Variants in AFF4 observed in about 807,000 individuals in gnomAD.
AFF4 encodes the protein AF4/FMR2 family member 4.
A neutral mutation model predicts 124.8 loss-of-function variants in AFF4; 13 were observed. That is an observed-to-expected ratio of 0.10 (90% CI 0.07 to 0.17). AFF4 has a LOEUF of 0.17. AFF4 is among the 10% of genes least tolerant of loss of function. The pLI, the probability that AFF4 is intolerant of heterozygous loss-of-function variation, is 1.00. For synonymous variants in AFF4, 477 were observed against 496.1 expected (o/e 0.96, Z 0.51); for missense variants, 1,092 against 1,403.8 (o/e 0.78, Z 3.55).
chr5:132,951,444 C>A (rs1761840020), intron 1 of AFF4, among the ~76,000 whole-genome samples: 1 of 152,210 alleles, frequency 6.6e-6, no homozygotes, highest in Non-Finnish European at 1.5e-5. Context: ...TGTACTTCTC[C>A]TGATCACATC....
chr5:132,948,005 C>A (rs1188035798), intron 1 of AFF4, among the ~76,000 whole-genome samples: 1 of 152,158 alleles, frequency 6.6e-6, no homozygotes, highest in Non-Finnish European at 1.5e-5. Flanking sequence ...GAATTTCTTA[C>A]TGTATTTCAT....
chr5:132,926,948 C>CT (rs1761186859), intron 5 of AFF4, 173 bp downstream of exon 5: 1 of 559,562 alleles, frequency 1.8e-6, no homozygotes, highest in Admixed American at 3.5e-5. Context: ...TTCCATTACC[C>CT]TGCTAATTAT....
chr5:132,962,544 T>G (rs2150118415), intron 1 of AFF4, among the ~76,000 whole-genome samples: 1 of 152,296 alleles, frequency 6.6e-6, no homozygotes, highest in East Asian at 1.9e-4. Context: ...CCAAAACTCC[T>G]GTACTCCATG....
In AFF4 at chr5:132,876,188, G is replaced by A. The variant is rs1479163132; in HGVS notation, c.*4871C>T. On this transcript the variant is annotated 3_prime_UTR_variant, in exon 21 of 21. Coordinates refer to ENST00000265343, the MANE Select transcript of AFF4 (RefSeq NM_014423.4). ...CAATGTCAACTGGCCAGTTCTGTTG[G>A]TGAGCCCCCTACCCCCACCCCACCC... is the stretch of plus-strand genomic sequence containing the variant. 1.3e-5 allele frequency: 3 copies of A among 230,770 alleles called. No individual in the cohort carries two copies. The highest frequency in any genetic ancestry group is 1.8e-4 in the South Asian group (1 of 5,536). 14.3% of individuals were successfully genotyped at this position (230,770 alleles called of 1,614,324 possible). A position where few individuals can be genotyped will look rare whatever the true frequency, so the allele number is the denominator to read the frequency against.
rs1427593769 is a variant in AFF4, at chr5:132,879,983, C to T, written c.*1076G>A. 8.0e-6 allele frequency: 3 copies of T among 374,212 alleles called. No individual in the cohort carries two copies. The highest frequency in any genetic ancestry group is 6.2e-5 in the African/African-American group (3 of 48,236). 23.2% of individuals were successfully genotyped at this position (374,212 alleles called of 1,614,324 possible). A position where few individuals can be genotyped will look rare whatever the true frequency, so the allele number is the denominator to read the frequency against. ...AACTGTAAGCTGTATAGCAAAAGCACACACCGAAGCTCCAGCCTATTTCTG... is the reference window on the plus strand; with the variant it reads ...AACTGTAAGCTGTATAGCAAAAGCATACACCGAAGCTCCAGCCTATTTCTG... On this transcript the variant is annotated 3_prime_UTR_variant, in exon 21 of 21. Coordinates refer to ENST00000265343, the MANE Select transcript of AFF4 (RefSeq NM_014423.4).
chr5:132,895,184 C>A (rs1447202027), intron 11 of AFF4, among the ~76,000 whole-genome samples: 2 of 151,880 alleles, frequency 1.3e-5, no homozygotes, highest in Non-Finnish European at 2.9e-5. Flanking sequence ...ACTAGTTGAG[C>A]AAAACATCTC....
chr5:132,881,015 A>G lies in AFF4; in HGVS notation c.*44T>C. On this transcript the variant is annotated 3_prime_UTR_variant, in exon 21 of 21. Transcript: ENST00000265343. ...TGGCAGTTTTCCTTCGTGATGTGAC[A>G]CAGTGTTGTGGAGAAAATCAGAGGC... 3.1e-6 allele frequency: 5 copies of G among 1,595,544 alleles called. No individual in the cohort carries two copies. The highest frequency in any genetic ancestry group is 4.3e-6 in the Non-Finnish European group (5 of 1,172,200).
chr5:132,897,060 T>C lies in AFF4; in HGVS notation c.1570A>G (p.Thr524Ala), dbSNP rs1216792015. 1 of 1,614,126 alleles carries C rather than the reference T, an allele frequency of 6.2e-7. No homozygotes were observed. Among genetic ancestry groups the C allele is most frequent in the East Asian group, 2.2e-5 (1 of 44,870 alleles). The change falls in exon 11 of 21, where the codon ACG becomes GCG. Residue 524 changes from threonine to alanine, a missense_variant. Around this residue, in one of 11 missense-constraint regions of AFF4, gnomAD observed 174 missense variants for 205.9 expected, o/e 0.84. Coordinates refer to ENST00000265343, the MANE Select transcript of AFF4 (RefSeq NM_014423.4). ...TCTCGTCCCGGAGTAGCGGAACTCG[T>C]TTCTTTAGGTCCACTTGTATCAGTG... Reference protein sequence around the residue: ...SYTDTSGPKETSSATPGRDSK... With the variant: ...SYTDTSGPKEASSATPGRDSK...
rs375891983 is a variant in AFF4, at chr5:132,908,776, A to ATATT, written c.1051-4373_1051-4372insAATA. ...TATATACATATATATATATATATATATTTTTTTTTTTTGAGACGGAATCTA... is the reference window on the plus strand; with the variant it reads ...TATATACATATATATATATATATATATATTTTTTTTTTTTTTGAGACGGAATCTA... On this transcript the variant is annotated intron_variant, in intron 5 of 20. Transcript: ENST00000265343. 2.1e-3 allele frequency among the ~76,000 whole-genome samples: 243 copies of ATATT among 114,876 alleles called. 2 individuals are homozygous for ATATT. The highest frequency in any genetic ancestry group is 0.014 in the East Asian group (57 of 4,126). The allele number at this position is 114,876 out of a possible 152,430, so 75.4% of individuals were successfully genotyped here. A position where few individuals can be genotyped will look rare whatever the true frequency, so the allele number is the denominator to read the frequency against.
chr5:132,911,083 G>C (rs539935855), intron 5 of AFF4, among the ~76,000 whole-genome samples: 1 of 152,226 alleles, frequency 6.6e-6, no homozygotes, highest in East Asian at 1.9e-4. Context: ...CTCTTGTGAA[G>C]ATTTCCTAAG....
intron 1 of AFF4, among the ~76,000 whole-genome samples, chr5:132,942,695 CT>C (rs1333370101): frequency 6.6e-6 from 1 of 152,198 alleles, no homozygotes; most frequent in African/African-American, 2.4e-5. Context: ...AACTCCCGAC[CT>C]CAGGTGATCC....
At chr5:132,911,061 G>A (rs1424662812) in intron 5 of AFF4, among the ~76,000 whole-genome samples, 1 of 152,162 alleles carries the variant, frequency 6.6e-6, no homozygotes, top group Non-Finnish European at 1.5e-5. Flanking sequence ...CTTGGGCACT[G>A]AATCTCAATC....
At chr5:132,904,531 C>T in intron 5 of AFF4, 127 bp from the exon 6 acceptor site, 1 of 806,432 alleles carries the variant, frequency 1.2e-6, no homozygotes, top group South Asian at 1.9e-5. Context: ...ATGATCCTGT[C>T]TGATCAGCCT....
At chr5:132,935,839 C>T (rs1437781222) in intron 2 of AFF4, among the ~76,000 whole-genome samples, 1 of 151,192 alleles carries the variant, frequency 6.6e-6, no homozygotes, top group Non-Finnish European at 1.5e-5. Context: ...AGGAGAATCA[C>T]TTGAACCCAG....
Position 132,877,447 on chromosome 5 carries a change from A to C in AFF4, c.*3612T>G, listed in dbSNP as rs891553707. On this transcript the variant is annotated 3_prime_UTR_variant, in exon 21 of 21. Transcript: ENST00000265343. ...AGTGTCTTAGATCAATTTAATAAAT[A>C]ATGTGGAAATAGTTGCACTAAGCTA... is the stretch of plus-strand genomic sequence containing the variant. The C allele has an allele frequency of 9.3e-6, 2 of 215,830 alleles. No individual in the cohort carries two copies. Among genetic ancestry groups the C allele is most frequent in the East Asian group, 1.4e-4 (2 of 14,296 alleles). The allele number at this position is 215,830 out of a possible 1,614,324, so 13.4% of individuals were successfully genotyped here.
chr5:132,881,387 TA>T (rs1206614918), intron 20 of AFF4, among the ~76,000 whole-genome samples: 2 of 152,246 alleles, frequency 1.3e-5, no homozygotes, highest in Admixed American at 6.5e-5. Context: ...TGCAACATTT[TA>T]AACAGAATGT....
chr5:132,892,540 A>C, intron 12 of AFF4, 136 bp from the exon 13 acceptor site: 2 of 1,307,100 alleles, frequency 1.5e-6, no homozygotes, highest in Non-Finnish European at 2.1e-6. Flanking sequence ...ATTTCTATAA[A>C]ACAAAATAAG....
intron 4 of AFF4, among the ~76,000 whole-genome samples, chr5:132,928,233 A>G (rs1003997479): frequency 6.6e-6 from 1 of 152,116 alleles, no homozygotes; most frequent in Non-Finnish European, 1.5e-5. Context: ...AAACAAAAAA[A>G]CAAACAAAAA....
intron 2 of AFF4, 137 bp from the exon 3 acceptor site, chr5:132,935,078 T>C (rs1761394312): frequency 3.6e-6 from 2 of 560,730 alleles, no homozygotes; most frequent in Non-Finnish European, 5.8e-6. Flanking sequence ...TTAACGTTAA[T>C]ACCTTGAAGC....
Sources: allele counts gnomAD v4.1 joint callset (sites outside exome capture counted in the v4.1 genomes callset), GRCh38; gene constraint gnomAD v4.1.1; regional missense constraint gnomAD v4.1.1; transcripts MANE v1.5; gene names NCBI Gene and HGNC (gene_info 2026-07-23, HGNC 2026-07-21).